The following KCNMA1 variants were observed in gnomAD, a reference collection of about 807,000 sequenced individuals.
The protein encoded by KCNMA1 is potassium calcium-activated channel subfamily M alpha 1.
Under a neutral mutation model 140.0 loss-of-function variants are expected in KCNMA1, and 29 were observed. The ratio of observed to expected loss-of-function variants is 0.21; its 90% CI spans 0.15 to 0.28. KCNMA1 has a LOEUF of 0.28. KCNMA1 is among the 10% of genes least tolerant of loss of function. KCNMA1 has a pLI of 1.00. For synonymous variants in KCNMA1, 612 were observed against 611.9 expected (o/e 1.00, Z 0.00); for missense variants, 880 against 1,602.2 (o/e 0.55, Z 7.70).
chr10:77,121,184 C>T (rs2097583131), intron 5 of KCNMA1, 136 bp from the exon 6 acceptor site: 1 of 688,964 alleles, frequency 1.5e-6, no homozygotes, highest in Non-Finnish European at 2.6e-6. Flanking sequence ...GCTGGTACCT[C>T]AGACATATTC....
At chr10:77,458,694 G>C (rs1458696820) in intron 1 of KCNMA1, among the ~76,000 whole-genome samples, 1 of 152,176 alleles carries the variant, frequency 6.6e-6, no homozygotes, top group Non-Finnish European at 1.5e-5. Flanking sequence ...AAAGTGAGAG[G>C]GCAGGGTTTG....
At chr10:77,257,322 T>G (rs2060990973) in intron 2 of KCNMA1, among the ~76,000 whole-genome samples, 1 of 152,132 alleles carries the variant, frequency 6.6e-6, no homozygotes, top group South Asian at 2.1e-4. Context: ...ACTGAAACAG[T>G]TAAGTCTGGC....
intron 3 of KCNMA1, among the ~76,000 whole-genome samples, chr10:77,216,803 G>A (rs2047929105): frequency 6.6e-6 from 1 of 152,078 alleles, no homozygotes; most frequent in African/African-American, 2.4e-5. Context: ...TTTTGACTCT[G>A]TGCACATCAT....
At chr10:77,183,648 G>A (rs565570229) in intron 4 of KCNMA1, 116 bp from the exon 5 acceptor site, 38 of 739,410 alleles carry the variant, frequency 5.1e-5, no homozygotes, top group African/African-American at 3.3e-4. Flanking sequence ...CACCACGCCC[G>A]GCTAATTTTT....
In KCNMA1 at chr10:77,463,217, G is replaced by A. The variant is rs1047407072; in HGVS notation, c.379-59194C>T. On this transcript the variant is annotated intron_variant, in intron 1 of 27. Coordinates refer to ENST00000286628, the MANE Select transcript of KCNMA1 (RefSeq NM_001161352.2). ...AAACTGGCTCAGAGAGAGCCTCCTG[G>A]CCCTGCGTAGCCTGGGAAGATACCA... Among the ~76,000 whole-genome samples the A allele has an allele frequency of 5.3e-5, 8 of 152,102 alleles. No homozygotes were observed. In the East Asian group the frequency reaches 1.6e-3, roughly 29 times the overall value.
At chr10:76,923,704 C>T (rs142291478) in intron 23 of KCNMA1, among the ~76,000 whole-genome samples, 188 of 152,290 alleles carry the variant, frequency 1.2e-3, no homozygotes, top group African/African-American at 4.4e-3. Context: ...AAAGATAAGG[C>T]CAGATGCAGT....
chr10:76,898,513 CA>C (rs373371344), intron 25 of KCNMA1, among the ~76,000 whole-genome samples: 104 of 139,238 alleles, frequency 7.5e-4, no homozygotes, highest in Admixed American at 1.3e-3. Context: ...ACAACGATTA[CA>C]AAAAAAAAAA....
intron 2 of KCNMA1, among the ~76,000 whole-genome samples, chr10:77,336,883 G>C (rs998417745): frequency 6.6e-6 from 1 of 152,220 alleles, no homozygotes; most frequent in South Asian, 2.1e-4. Context: ...GTGTGATGGA[G>C]GGTGAATGAA....
At chr10:77,175,309 G>C (rs951519606) in intron 5 of KCNMA1, among the ~76,000 whole-genome samples, 9 of 152,120 alleles carry the variant, frequency 5.9e-5, no homozygotes, top group African/African-American at 2.2e-4. Context: ...GTAAACTTGG[G>C]CTATGAATAT....
chr10:76,927,381 G>A (rs975826311), intron 23 of KCNMA1, among the ~76,000 whole-genome samples: 1 of 152,194 alleles, frequency 6.6e-6, no homozygotes, highest in Non-Finnish European at 1.5e-5. Flanking sequence ...CCTGAGGCCT[G>A]CAGGCACAGT....
At chr10:77,124,208 T>C (rs1268939213) in intron 5 of KCNMA1, among the ~76,000 whole-genome samples, 1 of 152,222 alleles carries the variant, frequency 6.6e-6, no homozygotes, top group Non-Finnish European at 1.5e-5. Context: ...AAAAATAGAA[T>C]ACAAACAACC....
Position 77,032,429 on chromosome 10 carries a change from AG to A in KCNMA1, c.1860-4539del, listed in dbSNP as rs1316268304. 2.0e-5 allele frequency among the ~76,000 whole-genome samples: 3 copies of A among 152,216 alleles called. No individual in the cohort carries two copies. In the East Asian group the frequency reaches 5.8e-4, roughly 29 times the overall value. ...GTAAGGGGAAAAAAGGAAGTAAGAA[AG>A]CCTTCACAATGTGATAAATGGGATA... On this transcript the variant is annotated intron_variant, in intron 15 of 27. Transcript: ENST00000286628.
At chr10:77,555,357 CA>C (rs1385803692) in intron 1 of KCNMA1, among the ~76,000 whole-genome samples, 21 of 151,994 alleles carry the variant, frequency 1.4e-4, no homozygotes, top group Non-Finnish European at 2.6e-4. Flanking sequence ...TGAGAGTATC[CA>C]GGACTGAAGA....
At chr10:77,617,342 G>C (rs1025597503) in intron 1 of KCNMA1, among the ~76,000 whole-genome samples, 1 of 152,216 alleles carries the variant, frequency 6.6e-6, no homozygotes, top group Non-Finnish European at 1.5e-5. Flanking sequence ...CAGACTGGGA[G>C]ATGATGCATT....
chr10:77,201,969 G>A (rs980533417), intron 3 of KCNMA1, among the ~76,000 whole-genome samples: 4 of 152,206 alleles, frequency 2.6e-5, no homozygotes, highest in Non-Finnish European at 5.9e-5. Flanking sequence ...GCTTGGAAAG[G>A]ATACAGAAAC....
rs555105350 is a variant in KCNMA1, at chr10:77,579,087, G to A, written c.378+58178C>T. On this transcript the variant is annotated intron_variant, in intron 1 of 27. Coordinates refer to ENST00000286628, the MANE Select transcript of KCNMA1 (RefSeq NM_001161352.2). ...CCAAACAGGATGAAAGGGAAAGAGG[G>A]GAGGTCAGGAAGCCTTCTTGGAGAA... 4.0e-4 allele frequency among the ~76,000 whole-genome samples: 61 copies of A among 152,316 alleles called. 1 individual carries two copies. The South Asian group carries it at 0.011, about 28-fold the overall frequency.
intron 5 of KCNMA1, among the ~76,000 whole-genome samples, chr10:77,163,771 G>A (rs1341659040): frequency 6.6e-6 from 1 of 152,156 alleles, no homozygotes; most frequent in African/African-American, 2.4e-5. Context: ...TAGTGCCAAG[G>A]TGGATGTCTT....
chr10:77,305,769 C>T (rs1486530276), intron 2 of KCNMA1, among the ~76,000 whole-genome samples: 4 of 152,198 alleles, frequency 2.6e-5, no homozygotes, highest in African/African-American at 7.2e-5. Context: ...CCTAGAACCA[C>T]GTGTCTGACA....
chr10:77,382,885 A>AAT (rs1217045657), intron 2 of KCNMA1, among the ~76,000 whole-genome samples: 32 of 91,316 alleles, frequency 3.5e-4, no homozygotes, highest in Admixed American at 1.5e-3. Flanking sequence ...AAAAAAAAAA[A>AAT]ATATATATAT....
Sources: allele counts gnomAD v4.1 joint callset (sites outside exome capture counted in the v4.1 genomes callset), GRCh38; gene constraint gnomAD v4.1.1; transcripts MANE v1.5; gene names NCBI Gene and HGNC (gene_info 2026-07-23, HGNC 2026-07-21).